PRPSAP2: variants seen among roughly 807,000 people sequenced by gnomAD.
The protein encoded by PRPSAP2 is phosphoribosyl pyrophosphate synthetase associated protein 2, also known as phosphoribosyl pyrophosphate synthase-associated protein 2.
In PRPSAP2, 24 loss-of-function variants were observed where a neutral mutation model predicts 40.6. The ratio of observed to expected loss-of-function variants is 0.59; its 90% CI spans 0.43 to 0.83. The LOEUF (loss-of-function observed/expected upper bound fraction) is 0.83. Ranked by LOEUF, PRPSAP2 falls within the 40% of genes least tolerant of loss-of-function variation. The probability of loss-of-function intolerance (pLI) is 0.00; values close to 1 mark genes in which losing one functional copy is unlikely to be tolerated. For missense variants in PRPSAP2, 292 were observed against 465.6 expected (o/e 0.63, Z 3.43); for synonymous variants, 149 against 164.7 (o/e 0.90, Z 0.73).
Position 18,882,627 on chromosome 17 carries a change from AT to A in PRPSAP2, c.474del (p.Pro159LeufsTer5), listed in dbSNP as rs779396653. ...HQKEIQGFFNIPVDNLRASPF... is the reference protein window; with the variant it reads ...HQKEIQGFFNXPVDNLRASPF... ...GAAGGAAATTCAGGGCTTCTTCAAT[AT>A]TCCTGTTGACAATTTAAGAGCATCT... On this transcript the variant is annotated frameshift_variant, in exon 7 of 12. Coordinates refer to ENST00000268835, the MANE Select transcript of PRPSAP2 (RefSeq NM_002767.4). LOFTEE classifies it high-confidence loss of function. The A allele has an allele frequency of 6.2e-7, 1 of 1,605,426 alleles. No homozygotes were observed. The highest frequency in any genetic ancestry group is 1.1e-5 in the South Asian group (1 of 90,894).
intron 8 of PRPSAP2, chr17:18,905,154 G>C (rs1427335748): frequency 6.6e-6 from 1 of 152,026 alleles, no homozygotes; most frequent in Non-Finnish European, 1.5e-5. Flanking sequence ...CTCCCGATTA[G>C]CTGAGATTAC....
At chr17:18,892,627 A>G (rs2039618205) in intron 8 of PRPSAP2, among the ~76,000 whole-genome samples, 1 of 140,996 alleles carries the variant, frequency 7.1e-6, no homozygotes, top group Admixed American at 7.2e-5. Context: ...GGGTCTCAGT[A>G]TGTTGCTCAG....
At chr17:18,858,307 G>T (rs1470269295) in intron 1 of PRPSAP2, 46 bp downstream of exon 1, 1 of 152,482 alleles carries the variant, frequency 6.6e-6, no homozygotes, top group Admixed American at 6.5e-5. Flanking sequence ...GGGCTGGCTG[G>T]CTCCGGCATT....
At chr17:18,888,903 A>C (rs1451390788) in intron 7 of PRPSAP2, among the ~76,000 whole-genome samples, 3 of 152,232 alleles carry the variant, frequency 2.0e-5, no homozygotes, top group South Asian at 2.1e-4. Flanking sequence ...CCGTAGAGAC[A>C]ATAGACTTGT....
intron 8 of PRPSAP2, among the ~76,000 whole-genome samples, chr17:18,894,649 T>C (rs1395384036): frequency 6.6e-6 from 1 of 151,664 alleles, no homozygotes; most frequent in Non-Finnish European, 1.5e-5. Flanking sequence ...AGCTAATTTT[T>C]AATTTTTGTA....
In PRPSAP2 at chr17:18,918,292, C is replaced by T. The variant is rs980931871; in HGVS notation, c.734-5622C>T. On this transcript the variant is annotated intron_variant, in intron 9 of 11. Transcript: ENST00000268835. ...GGCCTGTTGTTTTTCTGAAAAAGAG[C>T]GACAGCAAGAGGCCATCCTCAGAGT... is the stretch of plus-strand genomic sequence containing the variant. Among the ~76,000 whole-genome samples, 28 of 152,218 alleles carry T rather than the reference C, an allele frequency of 1.8e-4. 1 individual carries two copies. The highest frequency in any genetic ancestry group is 3.4e-3 in the Middle Eastern group (1 of 294).
rs1211144263 is a variant in PRPSAP2 at position 18,930,981 on chromosome 17, G to C, written c.*283G>C. 4.6e-6 allele frequency: 1 copy of C among 216,554 alleles called. No homozygotes were observed. Among genetic ancestry groups the C allele is most frequent in the Non-Finnish European group, 9.1e-6 (1 of 110,110 alleles). The allele number at this position is 216,554 out of a possible 1,614,324, so 13.4% of individuals were successfully genotyped here. A position where few individuals can be genotyped will look rare whatever the true frequency, so the allele number is the denominator to read the frequency against. ...AAAAATAACACTTGGAATAAGATTTGTAAGCTCACAAAGCCTTCTTCCAAA... is the reference window on the plus strand; with the variant it reads ...AAAAATAACACTTGGAATAAGATTTCTAAGCTCACAAAGCCTTCTTCCAAA... On this transcript the variant is annotated 3_prime_UTR_variant, in exon 12 of 12. Transcript: ENST00000268835.
At chr17:18,913,205 C>G (rs1283441997) in intron 9 of PRPSAP2, among the ~76,000 whole-genome samples, 4 of 152,130 alleles carry the variant, frequency 2.6e-5, no homozygotes, top group Admixed American at 6.6e-5. Context: ...CTGCTTGGGC[C>G]CTGGCACTCT....
At chr17:18,922,695 A>G (rs1203287929) in intron 9 of PRPSAP2, among the ~76,000 whole-genome samples, 4 of 99,052 alleles carry the variant, frequency 4.0e-5, no homozygotes, top group African/African-American at 1.7e-4. Flanking sequence ...TTTTTTTGCG[A>G]CAGGGCCTCA....
chr17:18,879,597 G>T (rs548439869), intron 6 of PRPSAP2, among the ~76,000 whole-genome samples: 207 of 152,124 alleles, frequency 1.4e-3, no homozygotes, highest in African/African-American at 4.7e-3. Flanking sequence ...GGGATTACTG[G>T]CGCCCACCAC....
At chr17:18,916,677 C>T (rs907633951) in intron 9 of PRPSAP2, among the ~76,000 whole-genome samples, 2 of 152,198 alleles carry the variant, frequency 1.3e-5, no homozygotes, top group South Asian at 2.1e-4. Context: ...CCACTGCACC[C>T]GGCCAGACTG....
chr17:18,889,371 C>CA (rs2039391866), intron 7 of PRPSAP2, among the ~76,000 whole-genome samples: 1 of 152,098 alleles, frequency 6.6e-6, no homozygotes, highest in Admixed American at 6.5e-5. Context: ...TAGTGCTGGG[C>CA]CGATTATCCT....
chr17:18,884,989 T>C (rs543642862), intron 7 of PRPSAP2, among the ~76,000 whole-genome samples: 1 of 152,330 alleles, frequency 6.6e-6, no homozygotes, highest in East Asian at 1.9e-4. Context: ...GGCACCCTTG[T>C]GCTGGTTGCA....
chr17:18,917,598 T>TTA (rs2041436560), intron 9 of PRPSAP2: 17 of 114,714 alleles, frequency 1.5e-4, no homozygotes, highest in African/African-American at 4.6e-4. Context: ...TTTTTTTTTT[T>TTA]TTTTTTTTTT....
intron 7 of PRPSAP2, among the ~76,000 whole-genome samples, chr17:18,882,928 G>A (rs936861999): frequency 1.3e-5 from 2 of 152,086 alleles, no homozygotes; most frequent in African/African-American, 4.8e-5. Flanking sequence ...AGATATGATT[G>A]TAATGAGTAA....
chr17:18,907,302 T>G (rs1201981735), intron 8 of PRPSAP2, among the ~76,000 whole-genome samples: 2 of 152,138 alleles, frequency 1.3e-5, no homozygotes, highest in Non-Finnish European at 2.9e-5. Context: ...TTGCCATGGT[T>G]GAAGAAGGTC....
At chr17:18,900,457 A>G (rs914474969) in intron 8 of PRPSAP2, among the ~76,000 whole-genome samples, 2 of 151,998 alleles carry the variant, frequency 1.3e-5, no homozygotes, top group Admixed American at 1.3e-4. Context: ...TTTGTTATAC[A>G]GTTTCAGCAT....
intron 8 of PRPSAP2, among the ~76,000 whole-genome samples, chr17:18,894,343 G>C (rs2039775775): frequency 6.6e-6 from 1 of 152,102 alleles, no homozygotes; most frequent in Non-Finnish European, 1.5e-5. Flanking sequence ...ATTTTTAGTA[G>C]AGATGGGGTT....
chr17:18,900,314 G>A (rs1276344082), intron 8 of PRPSAP2, among the ~76,000 whole-genome samples: 4 of 152,314 alleles, frequency 2.6e-5, no homozygotes, highest in Admixed American at 1.3e-4. Flanking sequence ...GAGACACTAC[G>A]CCTGGCCTTG....
Sources: allele counts gnomAD v4.1 joint callset (sites outside exome capture counted in the v4.1 genomes callset), GRCh38; gene constraint gnomAD v4.1.1; transcripts MANE v1.5; gene names NCBI Gene and HGNC (gene_info 2026-07-23, HGNC 2026-07-21).